The following CCDC73 variants were observed in gnomAD, a reference collection of about 807,000 sequenced individuals.
CCDC73 encodes the protein coiled-coil domain-containing protein 73.
A neutral mutation model predicts 116.5 loss-of-function variants in CCDC73; 95 were observed. That is an observed-to-expected ratio of 0.82 (90% CI 0.69 to 0.97). The LOEUF (loss-of-function observed/expected upper bound fraction) is 0.97, where lower values mean the gene tolerates loss of function less well. Ranked by LOEUF, CCDC73 falls within the 50% of genes least tolerant of loss-of-function variation. CCDC73 has a pLI of 0.00. For synonymous variants in CCDC73, 398 were observed against 401.3 expected (o/e 0.99, Z 0.10); for missense variants, 1,066 against 1,206.8 (o/e 0.88, Z 1.73).
intron 14 of CCDC73, among the ~76,000 whole-genome samples, chr11:32,623,500 ACCGCCATGCC>A (rs1174736934): frequency 1.3e-5 from 2 of 152,050 alleles, no homozygotes; most frequent in Admixed American, 6.6e-5. Context: ...ACCAGTGTGC[ACCGCCATGCC>A]CCGCTAATTT....
intron 2 of CCDC73, among the ~76,000 whole-genome samples, chr11:32,720,403 C>T (rs72897126): frequency 0.049 from 7,431 of 151,984 alleles, 216 homozygotes; most frequent in East Asian, 0.12. Context: ...TTACAAAAAC[C>T]GTACACTTAG....
intron 2 of CCDC73, among the ~76,000 whole-genome samples, chr11:32,734,425 C>CTTTTTTT (rs34093038): frequency 8.4e-5 from 11 of 131,358 alleles, no homozygotes; most frequent in Non-Finnish European, 1.3e-4. Flanking sequence ...ATTTTTTTTT[C>CTTTTTTT]TTTTTTTTTT....
chr11:32,689,384 A>G (rs1329187200), intron 6 of CCDC73, among the ~76,000 whole-genome samples: 1 of 152,176 alleles, frequency 6.6e-6, no homozygotes, highest in Admixed American at 6.5e-5. Flanking sequence ...AGAGGGGCTC[A>G]CAATTTAAAA....
intron 1 of CCDC73, among the ~76,000 whole-genome samples, chr11:32,769,618 A>G (rs1850474222): frequency 6.6e-6 from 1 of 152,176 alleles, no homozygotes; most frequent in Non-Finnish European, 1.5e-5. Flanking sequence ...TGATGTAGGA[A>G]GACACAAAAG....
intron 12 of CCDC73, among the ~76,000 whole-genome samples, chr11:32,649,034 T>G (rs545665295): frequency 9.2e-5 from 14 of 152,346 alleles, no homozygotes; most frequent in Admixed American, 6.5e-4. Context: ...TCATGAGCTC[T>G]AAGTCCAGTA....
At chr11:32,650,129 G>A (rs1251139690) in intron 12 of CCDC73, among the ~76,000 whole-genome samples, 1 of 152,110 alleles carries the variant, frequency 6.6e-6, no homozygotes, top group Non-Finnish European at 1.5e-5. Context: ...GAATTCAGCA[G>A]TATGTAAGTA....
chr11:32,660,785 CCACTGCACTCTGCCCTGGGCAA>C (rs1361308173), intron 9 of CCDC73, among the ~76,000 whole-genome samples: 3 of 152,004 alleles, frequency 2.0e-5, no homozygotes, highest in Non-Finnish European at 4.4e-5. Context: ...TGATATCGCA[CCACTGCACTCTGCCCTGGGCAA>C]CAGAGTGAGA....
At chr11:32,830,538 G>A in the CCDC73 span, 1 of 1,573,260 alleles carries the variant, frequency 6.4e-7, no homozygotes, top group East Asian at 2.3e-5. Context: ...CTATGTTTAC[G>A]CTTCTGGTTC....
intron 2 of CCDC73, among the ~76,000 whole-genome samples, chr11:32,732,977 T>C (rs187380722): frequency 1.0e-3 from 155 of 152,112 alleles, no homozygotes; most frequent in African/African-American, 3.5e-3. Context: ...GACTGGCAAA[T>C]TGGATAAAGA....
chr11:32,720,021 AGAG>A (rs1849976874), intron 2 of CCDC73, among the ~76,000 whole-genome samples: 2 of 152,190 alleles, frequency 1.3e-5, no homozygotes, highest in Admixed American at 6.5e-5. Flanking sequence ...GAAAAACAGA[AGAG>A]GAGGAAACAC....
intron 2 of CCDC73, among the ~76,000 whole-genome samples, chr11:32,731,741 C>T (rs891406753): frequency 6.6e-6 from 1 of 152,142 alleles, no homozygotes; most frequent in African/African-American, 2.4e-5. Flanking sequence ...AGGACATCCA[C>T]ACGAAAATCC....
At chr11:32,640,764 T>A (rs1203108648) in intron 13 of CCDC73, among the ~76,000 whole-genome samples, 1 of 152,138 alleles carries the variant, frequency 6.6e-6, no homozygotes, top group African/African-American at 2.4e-5. Flanking sequence ...ACGCCTGTAA[T>A]CCCAGCACTT....
At chr11:32,728,952 G>A (rs760935024) in intron 2 of CCDC73, among the ~76,000 whole-genome samples, 6 of 151,480 alleles carry the variant, frequency 4.0e-5, no homozygotes, top group South Asian at 2.1e-4. Context: ...TGATTCACCC[G>A]CCTTGGCCTT....
chr11:32,651,830 T>C (rs765765388), intron 12 of CCDC73, among the ~76,000 whole-genome samples: 1 of 152,140 alleles, frequency 6.6e-6, no homozygotes, highest in African/African-American at 2.4e-5. Flanking sequence ...TCTTGGGAAA[T>C]GTTCAGCTTT....
At chr11:32,627,211 A>G (rs946744518) in intron 14 of CCDC73, among the ~76,000 whole-genome samples, 1 of 152,270 alleles carries the variant, frequency 6.6e-6, no homozygotes, top group Non-Finnish European at 1.5e-5. Flanking sequence ...CAAAAGACAC[A>G]TGAAAAAATT....
intron 2 of CCDC73, among the ~76,000 whole-genome samples, chr11:32,743,149 G>C (rs1421410166): frequency 6.6e-6 from 1 of 152,082 alleles, no homozygotes; most frequent in African/African-American, 2.4e-5. Context: ...GCTCTTTTTT[G>C]GTTCCATATG....
At chr11:32,745,063 T>C (rs1182151015) in intron 2 of CCDC73, among the ~76,000 whole-genome samples, 4 of 152,088 alleles carry the variant, frequency 2.6e-5, no homozygotes, top group African/African-American at 7.2e-5. Context: ...TTTCCCTCTA[T>C]CCACTGCTTT....
chr11:32,656,636 G>T (rs1250790098), intron 9 of CCDC73, among the ~76,000 whole-genome samples: 1 of 152,178 alleles, frequency 6.6e-6, no homozygotes, highest in Non-Finnish European at 1.5e-5. Context: ...CAGCAATGAT[G>T]GTATAAGCTG....
In CCDC73 at chr11:32,738,660, C is replaced by T. The variant is rs141035700; in HGVS notation, c.136-20513G>A. ...TCCCGTTCTGTGAGTTTTCTCTTCA[C>T]TTTGTTGATTGTTTCTTTTGCTGTG... On this transcript the variant is annotated intron_variant, in intron 2 of 17. Coordinates refer to ENST00000335185, the MANE Select transcript of CCDC73 (RefSeq NM_001008391.4). Among the ~76,000 whole-genome samples the T allele has an allele frequency of 6.0e-3, 913 of 152,196 alleles. 10 individuals carry two copies. Among genetic ancestry groups the T allele is most frequent in the African/African-American group, 0.021 (885 of 41,538 alleles).
Sources: gnomAD v4.1 joint callset for allele counts (sites outside exome capture counted in the v4.1 genomes callset) on GRCh38, gnomAD v4.1.1 for gene constraint, MANE v1.5 for transcripts, NCBI Gene and HGNC (gene_info 2026-07-23, HGNC 2026-07-21) for gene names.